The following RUNX3 variants were observed in gnomAD, a reference collection of about 807,000 sequenced individuals.
The protein encoded by RUNX3 is RUNX family transcription factor 3.
RUNX3 carries 10 observed loss-of-function variants against 27.7 expected under a neutral mutation model. The observed-to-expected ratio is 0.36, with a 90% CI of 0.22 to 0.61. The LOEUF is 0.61. Among genes scored for constraint, RUNX3 ranks in the 20% least tolerant of loss-of-function variants. The pLI, the probability that RUNX3 is intolerant of heterozygous loss-of-function variation, is 0.72. For synonymous variants in RUNX3, 270 were observed against 269.2 expected (o/e 1.00, Z -0.03); for missense variants, 469 against 629.5 (o/e 0.75, Z 2.73).
At chr1:24,949,491 G>C (rs933184375) in intron 2 of RUNX3, among the ~76,000 whole-genome samples, 7 of 152,196 alleles carry the variant, frequency 4.6e-5, no homozygotes, top group Non-Finnish European at 7.3e-5. Flanking sequence ...ACGAGACAGA[G>C]AGAGGCCCCA....
intron 2 of RUNX3, among the ~76,000 whole-genome samples, chr1:24,945,499 G>C (rs1346884758): frequency 6.6e-6 from 1 of 152,220 alleles, no homozygotes; most frequent in Non-Finnish European, 1.5e-5. Flanking sequence ...GACCCGGGCT[G>C]AGTGCTTTAC....
chr1:24,934,091 A>G (rs1641292434), upstream of RUNX3, among the ~76,000 whole-genome samples: 1 of 152,236 alleles, frequency 6.6e-6, no homozygotes, highest in East Asian at 1.9e-4. Flanking sequence ...GGGGAGGGGC[A>G]TCATTGTGAT....
At position 24,929,685 on chromosome 1, in the gene RUNX3, G is replaced by A. The variant is rs778509531; in HGVS notation, c.184C>T (p.His62Tyr). 4 of 1,584,760 alleles carry A rather than the reference G, an allele frequency of 2.5e-6. No individual in the cohort carries two copies. Among genetic ancestry groups the A allele is most frequent in the Non-Finnish European group, 1.7e-6 (2 of 1,171,686 alleles). Residue 62 changes from histidine to tyrosine, a missense_variant, in exon 1 of 5, where the codon CAC becomes TAC. By Grantham distance (83) the His-to-Tyr change is moderately conservative. This residue lies in a region of RUNX3 where 115 missense variants were observed against 118.0 expected (regional missense o/e 0.97). Transcript: ENST00000308873. ...TCGGTGCGCACGAGCTCGCCTGCGT[G>A]GTCCGCCAGCACGTCCACCATCGAG... is the stretch of plus-strand genomic sequence containing the variant. ...VRSMVDVLAD[H>Y]AGELVRTDSP...
rs1416712712 is a variant in RUNX3 at position 24,929,776 on chromosome 1, C to T, written c.93G>A (p.Glu31=). The change falls in exon 1 of 5, where the codon GAG becomes GAA. Residue 31 remains glutamate (E), a synonymous_variant. Coordinates refer to ENST00000308873, the MANE Select transcript of RUNX3 (RefSeq NM_004350.3). Reference sequence around the variant, plus strand: ...CCTGCGCGCTCAGCGCGCCGCTGTTCTCGCCCATCTTGCCGCCGCCGCCGC... The same window carrying T: ...CCTGCGCGCTCAGCGCGCCGCTGTTTTCGCCCATCTTGCCGCCGCCGCCGC... ...PCGGGGGKMG[E]NSGALSAQAA... The T allele has an allele frequency of 6.9e-7, 1 of 1,444,032 alleles. No individual in the cohort carries two copies. The highest frequency in any genetic ancestry group is 9.0e-7 in the Non-Finnish European group (1 of 1,107,322). The allele number at this position is 1,444,032 out of a possible 1,614,324, so 89.5% of individuals were successfully genotyped here.
At chr1:24,964,650 T>C in exon 2 of RUNX3, 1 of 1,510,314 alleles carries the variant, frequency 6.6e-7, no homozygotes, top group Non-Finnish European at 8.9e-7. Flanking sequence ...TGTTGTTTTA[T>C]TTTTTTTTCC....
intron 3 of RUNX3, among the ~76,000 whole-genome samples, chr1:24,912,622 C>T (rs1048340903): frequency 2.6e-5 from 4 of 151,992 alleles, no homozygotes; most frequent in Admixed American, 2.6e-4. Flanking sequence ...TCCACGGCAG[C>T]GTCTAAGCAG....
chr1:24,902,747 GTT>G lies in RUNX3; in HGVS notation c.704-83_704-82del. 7.7e-7 allele frequency: 1 copy of G among 1,296,740 alleles called. No individual in the cohort carries two copies. The highest frequency in any genetic ancestry group is 1.0e-6 in the Non-Finnish European group (1 of 960,890). 80.3% of individuals were successfully genotyped at this position (1,296,740 alleles called of 1,614,324 possible). On this transcript the variant is annotated intron_variant, in intron 4 of 4. Transcript: ENST00000308873. This position sits in a 1 kb window ranked among gnomAD's most constrained non-coding sequence, Gnocchi z 9.2. ...TCCTGAAGAATGACCTTGGGCTCTGGTTCCCAAGGCCCATCTGGGGGACCCCT... is the reference window on the plus strand; with the variant it reads ...TCCTGAAGAATGACCTTGGGCTCTGGCCCAAGGCCCATCTGGGGGACCCCT...
At chr1:24,945,873 T>C (rs1419455023) in intron 2 of RUNX3, among the ~76,000 whole-genome samples, 1 of 152,190 alleles carries the variant, frequency 6.6e-6, no homozygotes, top group African/African-American at 2.4e-5. Flanking sequence ...GCCCCCTCTC[T>C]TTCCCCTCCC....
In RUNX3 at chr1:24,923,086, G is replaced by A. The variant is rs1641031294; in HGVS notation, c.440-3742C>T. ...ATAATGGCTCCCATTTTGCACACAG[G>A]TACTAACGTCCCGCTCCTGAGAAGT... On this transcript the variant is annotated intron_variant, in intron 2 of 4. Transcript: ENST00000308873. This position sits in a 1 kb window ranked among gnomAD's most constrained non-coding sequence, Gnocchi z 5.9. Among the ~76,000 whole-genome samples the A allele has an allele frequency of 6.6e-6, 1 of 152,122 alleles. No homozygotes were observed. The highest frequency in any genetic ancestry group is 1.5e-5 in the Non-Finnish European group (1 of 68,030).
intron 2 of RUNX3, among the ~76,000 whole-genome samples, chr1:24,947,705 T>C (rs1188577434): frequency 1.3e-5 from 2 of 152,152 alleles, no homozygotes; most frequent in Non-Finnish European, 2.9e-5. Context: ...ACGCTCCCTG[T>C]TTGCATCCTC....
intron 2 of RUNX3, among the ~76,000 whole-genome samples, chr1:24,956,677 T>G (rs1571363973): frequency 2.0e-5 from 3 of 152,014 alleles, no homozygotes; most frequent in Non-Finnish European, 2.9e-5. Context: ...CCCACGGAGG[T>G]GGGGTGGGAC....
chr1:24,938,268 G>A (rs1641393967), intron 2 of RUNX3, among the ~76,000 whole-genome samples: 2 of 152,178 alleles, frequency 1.3e-5, no homozygotes. Flanking sequence ...GACCACACCT[G>A]AGCCCCAGGA....
intron 2 of RUNX3, among the ~76,000 whole-genome samples, chr1:24,921,551 T>C (rs1365847797): frequency 2.6e-5 from 4 of 152,220 alleles, no homozygotes; most frequent in Non-Finnish European, 5.9e-5. Flanking sequence ...GGCCACTTTG[T>C]ATGATTTCTG....
rs1641491306 is a variant in RUNX3 at position 24,942,065 on chromosome 1, A to T, written c.59-12213T>A. Among the ~76,000 whole-genome samples, 4 of 152,274 alleles carry T rather than the reference A, an allele frequency of 2.6e-5. No individual in the cohort carries two copies. The South Asian group carries it at 8.3e-4, about 32-fold the overall frequency. On this transcript the variant is annotated intron_variant, in intron 2 of 6. Coordinates refer to the RUNX3 transcript ENST00000338888. Reference sequence around the variant, plus strand: ...TAATCAAATCCAGGGTGGCTGGATGATCTGAAGGCCCTTTTAGCTCACGGA... The same window carrying T: ...TAATCAAATCCAGGGTGGCTGGATGTTCTGAAGGCCCTTTTAGCTCACGGA...
At chr1:24,909,637 C>T (rs751637031) in intron 3 of RUNX3, among the ~76,000 whole-genome samples, 18 of 152,354 alleles carry the variant, frequency 1.2e-4, no homozygotes, top group Middle Eastern at 6.8e-3. Context: ...CAGTTCACTC[C>T]GCAGTCCTCT....
intron 2 of RUNX3, among the ~76,000 whole-genome samples, chr1:24,939,695 C>A (rs1270624467): frequency 6.6e-6 from 1 of 152,260 alleles, no homozygotes; most frequent in Non-Finnish European, 1.5e-5. Flanking sequence ...GGTTTGCCCC[C>A]CTGGGGCTTC....
intron 2 of RUNX3, among the ~76,000 whole-genome samples, chr1:24,957,989 C>T (rs1294889690): frequency 6.6e-6 from 1 of 152,232 alleles, no homozygotes; most frequent in Non-Finnish European, 1.5e-5. Flanking sequence ...TGTGCCTGCT[C>T]AGCCCTCTCT....
intron 2 of RUNX3, among the ~76,000 whole-genome samples, chr1:24,941,806 T>G (rs1219549891): frequency 6.6e-6 from 1 of 152,148 alleles, no homozygotes. Flanking sequence ...TCATGGCTGC[T>G]GGGGAGGTGC....
intron 1 of RUNX3, chr1:24,964,768 G>A: frequency 1.5e-6 from 2 of 1,355,354 alleles, no homozygotes; most frequent in African/African-American, 1.5e-5. Flanking sequence ...AAAAAGGAAA[G>A]AACGCGAGAG....
Sources: gnomAD v4.1 joint callset for allele counts (sites outside exome capture counted in the v4.1 genomes callset) on GRCh38, gnomAD v4.1.1 for gene constraint, gnomAD v4.1.1 regional missense constraint, Gnocchi (gnomAD v3.1) non-coding constraint, MANE v1.5 for transcripts, NCBI Gene and HGNC (gene_info 2026-07-23, HGNC 2026-07-21) for gene names.